Variants in NRXN2 observed in about 807,000 individuals in gnomAD.
NRXN2 encodes the protein neurexin-2-beta.
In NRXN2, 29 loss-of-function variants were observed where a neutral mutation model predicts 128.8. That is an observed-to-expected ratio of 0.23 (90% CI 0.17 to 0.31). The LOEUF is 0.31. Ranked by LOEUF, NRXN2 falls within the 10% of genes least tolerant of loss-of-function variation. The pLI is 1.00. For synonymous variants in NRXN2, 1,098 were observed against 1,075.2 expected (o/e 1.02, Z -0.41); for missense variants, 1,881 against 2,452.6 (o/e 0.77, Z 4.92).
intron 2 of NRXN2, among the ~76,000 whole-genome samples, chr11:64,702,648 G>A: frequency 6.6e-6 from 1 of 151,802 alleles, no homozygotes; most frequent in Non-Finnish European, 1.5e-5. Context: ...CAAGTACCCA[G>A]GGACACAAAC....
At chr11:64,609,709 G>C (rs2040320126) in intron 22 of NRXN2, among the ~76,000 whole-genome samples, 2 of 152,210 alleles carry the variant, frequency 1.3e-5, no homozygotes, top group South Asian at 4.1e-4. Context: ...AGCTCTAGGT[G>C]GCTGGTGGGA....
At chr11:64,649,836 A>G (rs982718054) in intron 15 of NRXN2, among the ~76,000 whole-genome samples, 3 of 152,072 alleles carry the variant, frequency 2.0e-5, no homozygotes, top group Non-Finnish European at 4.4e-5. Flanking sequence ...TCCTGTCCCA[A>G]TGCTCAGGCC....
At chr11:64,710,561 G>A (rs2056792105) in intron 2 of NRXN2, among the ~76,000 whole-genome samples, 1 of 152,180 alleles carries the variant, frequency 6.6e-6, no homozygotes, top group Non-Finnish European at 1.5e-5. Context: ...AGTGAGGCCA[G>A]GGACCGGTTA....
intron 9 of NRXN2, among the ~76,000 whole-genome samples, chr11:64,662,230 C>A (rs1276411192): frequency 6.7e-6 from 1 of 149,178 alleles, no homozygotes; most frequent in Non-Finnish European, 1.5e-5. Context: ...TGCACTCCAG[C>A]CTGGGAGACA....
chr11:64,614,910 G>C (rs1014675712), intron 22 of NRXN2, among the ~76,000 whole-genome samples: 4 of 152,252 alleles, frequency 2.6e-5, no homozygotes, highest in Non-Finnish European at 4.4e-5. Flanking sequence ...TAGCTGGTTG[G>C]GACTTTGGGT....
chr11:64,715,253 C>T (rs1166877034), intron 1 of NRXN2, among the ~76,000 whole-genome samples: 1 of 152,206 alleles, frequency 6.6e-6, no homozygotes, highest in Admixed American at 6.5e-5. Flanking sequence ...TCCCATTATT[C>T]TCATTAACCA....
intron 17 of NRXN2, among the ~76,000 whole-genome samples, chr11:64,639,383 G>A (rs2045311934): frequency 6.6e-6 from 1 of 152,052 alleles, no homozygotes; most frequent in Non-Finnish European, 1.5e-5. Context: ...CAAAATAAAT[G>A]CTAGCCCCCT....
rs939756490 is a variant in NRXN2 at position 64,686,071 on chromosome 11, T to G, written c.851-124A>C. 1.1e-5 allele frequency: 11 copies of G among 1,027,754 alleles called. No homozygotes were observed. The Admixed American group carries it at 2.2e-4, about 20-fold the overall frequency. 63.7% of individuals were successfully genotyped at this position (1,027,754 alleles called of 1,614,324 possible). ...CACCAGGAGCCCAGAGGTCCCAACC[T>G]GTAGCTTTAGGCCCCTTTCCCTCCC... On this transcript the variant is annotated intron_variant, in intron 5 of 22. Transcript: ENST00000265459.
intron 6 of NRXN2, among the ~76,000 whole-genome samples, chr11:64,678,734 T>C (rs2051720097): frequency 6.6e-6 from 1 of 151,872 alleles, no homozygotes; most frequent in South Asian, 2.1e-4. Flanking sequence ...ATTAAGAGTA[T>C]TAGAGATGGA....
At chr11:64,719,116 G>A (rs1187839916) in intron 1 of NRXN2, among the ~76,000 whole-genome samples, 5 of 152,182 alleles carry the variant, frequency 3.3e-5, no homozygotes, top group African/African-American at 9.7e-5. Flanking sequence ...AAAAAAAAGT[G>A]TGTCGTATTA....
At chr11:64,677,058 G>A in intron 6 of NRXN2, 21 bp from the exon 7 acceptor site, 4 of 1,366,776 alleles carry the variant, frequency 2.9e-6, no homozygotes, top group Non-Finnish European at 3.9e-6. Flanking sequence ...GATATGGGGG[G>A]ATGGGGAGGA....
chr11:64,708,745 A>C (rs2056592963), intron 2 of NRXN2, among the ~76,000 whole-genome samples: 1 of 152,214 alleles, frequency 6.6e-6, no homozygotes, highest in South Asian at 2.1e-4. Context: ...CATTTTTCTA[A>C]TGTATATTTT....
Position 64,713,645 on chromosome 11 carries a change from G to GCAGCAGCAA in NRXN2, c.46_54dup (p.Leu18_Leu20dup). Reference sequence around the variant, plus strand: ...TCCGCGCGCGCCGCCAGCGCCAGCAGCAGCAGCAACAGCAGCGGCGGCGGT... The same window carrying GCAGCAGCAA: ...TCCGCGCGCGCCGCCAGCGCCAGCAGCAGCAGCAACAGCAGCAACAGCAGCGGCGGCGGT... On this transcript the variant is annotated inframe_insertion, in exon 2 of 23. Coordinates refer to ENST00000265459, the MANE Select transcript of NRXN2 (RefSeq NM_015080.4). 1.6e-6 allele frequency: 2 copies of GCAGCAGCAA among 1,240,464 alleles called. No individual in the cohort carries two copies. Among genetic ancestry groups the GCAGCAGCAA allele is most frequent in the Non-Finnish European group, 2.0e-6 (2 of 987,262 alleles). The allele number at this position is 1,240,464 out of a possible 1,614,324, so 76.8% of individuals were successfully genotyped here. A position where few individuals can be genotyped will look rare whatever the true frequency, so the allele number is the denominator to read the frequency against.
intron 17 of NRXN2, among the ~76,000 whole-genome samples, chr11:64,636,876 T>C (rs939003685): frequency 3.9e-5 from 6 of 151,946 alleles, no homozygotes; most frequent in African/African-American, 1.5e-4. Flanking sequence ...TGAACCCCCT[T>C]GTAGTTGGGG....
chr11:64,616,785 A>T (rs2041597242), intron 22 of NRXN2, among the ~76,000 whole-genome samples: 1 of 152,176 alleles, frequency 6.6e-6, no homozygotes, highest in Non-Finnish European at 1.5e-5. Flanking sequence ...ACATGCATGC[A>T]CACATAGCTC....
At chr11:64,661,461 T>C (rs1416380234) in intron 9 of NRXN2, 2 of 1,208,024 alleles carry the variant, frequency 1.7e-6, no homozygotes, top group African/African-American at 1.5e-5. Context: ...GCCGAAATCT[T>C]GAGCTCGGAA....
At chr11:64,626,787 AAAG>A (rs2043123036) in intron 19 of NRXN2, among the ~76,000 whole-genome samples, 1 of 152,184 alleles carries the variant, frequency 6.6e-6, no homozygotes, top group Non-Finnish European at 1.5e-5. Flanking sequence ...AGAGATGAGA[AAAG>A]AAGAAAAGGA....
chr11:64,688,229 T>C (rs534926302), intron 5 of NRXN2: 27 of 938,204 alleles, frequency 2.9e-5, no homozygotes, highest in Middle Eastern at 5.4e-4. Context: ...TCCAGTCTCC[T>C]GGGGTGGGTG....
chr11:64,664,430 A>G (rs1026832595), intron 9 of NRXN2, among the ~76,000 whole-genome samples: 2 of 148,610 alleles, frequency 1.3e-5, no homozygotes, highest in Non-Finnish European at 3.0e-5. Flanking sequence ...GTGAGCCGAG[A>G]TTGCGCCACT....
Sources: gnomAD v4.1 joint callset for allele counts (sites outside exome capture counted in the v4.1 genomes callset) on GRCh38, gnomAD v4.1.1 for gene constraint, MANE v1.5 for transcripts, NCBI Gene and HGNC (gene_info 2026-07-23, HGNC 2026-07-21) for gene names.